Variants in PRKAR1B observed in about 807,000 individuals in gnomAD.
The protein encoded by PRKAR1B is protein kinase cAMP-dependent type I regulatory subunit beta, also known as cAMP-dependent protein kinase type I-beta regulatory subunit.
A neutral mutation model predicts 46.5 loss-of-function variants in PRKAR1B; 22 were observed. That is an observed-to-expected ratio of 0.47 (90% CI 0.34 to 0.68). PRKAR1B has a LOEUF of 0.68. Among genes scored for constraint, PRKAR1B ranks in the 30% least tolerant of loss-of-function variants. The pLI is 0.01. For missense variants in PRKAR1B, 445 were observed against 535.6 expected (o/e 0.83, Z 1.67); for synonymous variants, 259 against 217.7 (o/e 1.19, Z -1.67).
At chr7:592,789 G>A (rs1203442350) in intron 7 of PRKAR1B, among the ~76,000 whole-genome samples, 1 of 152,216 alleles carries the variant, frequency 6.6e-6, no homozygotes, top group African/African-American at 2.4e-5. Flanking sequence ...ACCCAGCACT[G>A]TGGGAGGCTG....
At position 588,056 on chromosome 7, in the gene PRKAR1B, C is replaced by T. The variant is rs528018791; in HGVS notation, c.709-3488G>A. Among the ~76,000 whole-genome samples, 25 of 152,332 alleles carry T rather than the reference C, an allele frequency of 1.6e-4. No homozygotes were observed. In the South Asian group the frequency reaches 4.1e-3, roughly 25 times the overall value. ...CTTTCCCATGGGCACAGGCCATTTC[C>T]GGTAGCGTGGCCCTCCCCACTCGCT... On this transcript the variant is annotated intron_variant, in intron 7 of 10. Coordinates refer to ENST00000537384, the MANE Select transcript of PRKAR1B (RefSeq NM_001164760.2).
intron 2 of PRKAR1B, among the ~76,000 whole-genome samples, chr7:685,416 A>G (rs1358335954): frequency 2.2e-5 from 3 of 135,140 alleles, no homozygotes; most frequent in Non-Finnish European, 4.7e-5. Flanking sequence ...ATATATACCA[A>G]AAACATTCCA....
intron 4 of PRKAR1B, among the ~76,000 whole-genome samples, chr7:625,689 A>G (rs900711407): frequency 6.6e-6 from 1 of 152,246 alleles, no homozygotes; most frequent in African/African-American, 2.4e-5. Context: ...TCCTATGGAC[A>G]TTAAAAATAA....
chr7:728,448 A>T (rs1318402234), upstream of PRKAR1B, among the ~76,000 whole-genome samples: 2 of 152,150 alleles, frequency 1.3e-5, no homozygotes, highest in African/African-American at 4.8e-5. Context: ...CTGCGTGGAG[A>T]ATAGATTCCA....
intron 4 of PRKAR1B, chr7:608,210 AC>A (rs1562559152): frequency 6.6e-6 from 1 of 152,274 alleles, no homozygotes; most frequent in Non-Finnish European, 1.5e-5. Context: ...ACCTTCGGAG[AC>A]CAGACCCCTC....
chr7:584,669 G>A (rs1780498794), intron 7 of PRKAR1B, 101 bp from the exon 8 acceptor site: 3 of 1,031,786 alleles, frequency 2.9e-6, no homozygotes, highest in Admixed American at 4.0e-5. Context: ...ACTTTTAAAT[G>A]AGACCCTCCA....
chr7:565,436 C>G (rs1441131863), intron 9 of PRKAR1B: 1 of 152,264 alleles, frequency 6.6e-6, no homozygotes, highest in African/African-American at 2.4e-5. Context: ...GAATCCATTG[C>G]TGCCTCAGCC....
rs1203776328 is a variant in PRKAR1B, at chr7:612,265, C to CGGAT, written c.441-4817_441-4814dup. 3.2e-5 allele frequency among the ~76,000 whole-genome samples: 4 copies of CGGAT among 124,990 alleles called. No individual in the cohort carries two copies. The East Asian group carries it at 1.1e-3, about 35-fold the overall frequency. 82.0% of individuals were successfully genotyped at this position (124,990 alleles called of 152,430 possible). A position where few individuals can be genotyped will look rare whatever the true frequency, so the allele number is the denominator to read the frequency against. ...ATGAACAGGTGGGTGAGTAGATCAA[C>CGGAT]GGATGGATGGATGGATAGATGGATG... On this transcript the variant is annotated intron_variant, in intron 4 of 10. Coordinates refer to ENST00000537384, the MANE Select transcript of PRKAR1B (RefSeq NM_001164760.2).
chr7:723,120 G>A (rs902539599), intron 1 of PRKAR1B, among the ~76,000 whole-genome samples: 2 of 152,148 alleles, frequency 1.3e-5, no homozygotes, highest in African/African-American at 4.8e-5. Flanking sequence ...GGGTCTCTTT[G>A]TGCTAAGAGA....
chr7:568,606 T>A (rs1385375573), intron 9 of PRKAR1B, among the ~76,000 whole-genome samples: 3 of 152,196 alleles, frequency 2.0e-5, no homozygotes, highest in Admixed American at 6.5e-5. Context: ...GGAGGGAATG[T>A]CCACAACCCA....
At chr7:663,270 A>C (rs1256697373) in intron 4 of PRKAR1B, among the ~76,000 whole-genome samples, 3 of 152,180 alleles carry the variant, frequency 2.0e-5, no homozygotes, top group Non-Finnish European at 4.4e-5. Flanking sequence ...CCTGTCACCC[A>C]GGCTGGAGAG....
intron 4 of PRKAR1B, among the ~76,000 whole-genome samples, chr7:670,115 G>A (rs1184170215): frequency 2.0e-5 from 3 of 151,810 alleles, no homozygotes; most frequent in South Asian, 4.2e-4. Context: ...TGATCCACCC[G>A]CCTCGGCCTC....
rs190025775 is a variant in PRKAR1B, at chr7:569,290, G to A, written c.891+9966C>T. On this transcript the variant is annotated intron_variant, in intron 9 of 10. Transcript: ENST00000537384. ...GCCTCACACCTGGCCCTCTATCCAC[G>A]CAGAGAACAGCCTGCCGGCCGCCCC... Among the ~76,000 whole-genome samples, 11 of 152,270 alleles carry A rather than the reference G, an allele frequency of 7.2e-5. 1 individual carries two copies. Among genetic ancestry groups the A allele is most frequent in the South Asian group, 4.1e-4 (2 of 4,822 alleles).
intron 2 of PRKAR1B, among the ~76,000 whole-genome samples, chr7:693,163 A>G (rs145552272): frequency 0.033 from 5,043 of 150,910 alleles, 318 homozygotes; most frequent in African/African-American, 0.12. Context: ...TCGAACTCCT[A>G]ACCTCAAGTG....
intron 4 of PRKAR1B, among the ~76,000 whole-genome samples, chr7:616,082 G>A (rs62431459): frequency 0.55 from 82,828 of 151,872 alleles, 23,917 homozygotes; most frequent in South Asian, 0.8. Context: ...CACCACTGCC[G>A]AGACCCTCCC....
Position 593,534 on chromosome 7 carries a change from G to T in PRKAR1B, c.708+2612C>A, listed in dbSNP as rs111881624. Among the ~76,000 whole-genome samples the T allele has an allele frequency of 1.9e-4, 29 of 152,310 alleles. 1 individual carries two copies. The highest frequency in any genetic ancestry group is 6.7e-4 in the African/African-American group (28 of 41,570). On this transcript the variant is annotated intron_variant, in intron 7 of 10. Transcript: ENST00000537384. The surrounding 1 kb of genome is among the most constrained non-coding windows in gnomAD (Gnocchi z 6.1). ...CCAGCCACAAAAATCCCCCAGCCGG[G>T]AGCGACAGGGCGTCAAGGATGGTGG...
In PRKAR1B at chr7:557,116, C is replaced by T. The variant is rs913107164; in HGVS notation, c.892-5646G>A. 7.9e-5 allele frequency among the ~76,000 whole-genome samples: 12 copies of T among 152,192 alleles called. No homozygotes were observed. The South Asian group carries it at 1.7e-3, about 21-fold the overall frequency. On this transcript the variant is annotated intron_variant, in intron 9 of 10. Coordinates refer to ENST00000537384, the MANE Select transcript of PRKAR1B (RefSeq NM_001164760.2). The stretch of plus-strand genomic sequence containing the variant: ...GGGAGGAACTGGGAGGAGGGGAGCG[C>T]GGTCTCCTCAGCGGAGTCTGGTGGC...
In PRKAR1B at chr7:595,690, G is replaced by T. The variant is rs547276883; in HGVS notation, c.708+456C>A. Among the ~76,000 whole-genome samples the T allele has an allele frequency of 5.9e-5, 9 of 152,312 alleles. No homozygotes were observed. In the South Asian group the frequency reaches 1.9e-3, roughly 32 times the overall value. On this transcript the variant is annotated intron_variant, in intron 7 of 10. Transcript: ENST00000537384. ...ACACAACACACACAGTACAGGGTACGTGGCTCAGAGTAGATCTGGCCACAT... is the reference window on the plus strand; with the variant it reads ...ACACAACACACACAGTACAGGGTACTTGGCTCAGAGTAGATCTGGCCACAT...
intron 9 of PRKAR1B, among the ~76,000 whole-genome samples, chr7:559,129 G>A (rs567048038): frequency 3.3e-4 from 50 of 152,346 alleles, no homozygotes; most frequent in African/African-American, 1.2e-3. Context: ...GGCCGTGAAC[G>A]AGGAGGCCAC....
Sources: allele counts gnomAD v4.1 joint callset (sites outside exome capture counted in the v4.1 genomes callset), GRCh38; gene constraint gnomAD v4.1.1; non-coding constraint Gnocchi (gnomAD v3.1); transcripts MANE v1.5; gene names NCBI Gene and HGNC (gene_info 2026-07-23, HGNC 2026-07-21).